TAFA5: variants seen among roughly 807,000 people sequenced by gnomAD.
TAFA5 encodes chemokine-like protein TAFA-5.
TAFA5 carries 6 observed loss-of-function variants against 15.3 expected under a neutral mutation model. That is an observed-to-expected ratio of 0.39 (90% CI 0.21 to 0.77). The LOEUF (loss-of-function observed/expected upper bound fraction) is 0.77, where lower values mean the gene tolerates loss of function less well. Ranked by LOEUF, TAFA5 falls within the 30% of genes least tolerant of loss-of-function variation. The pLI is 0.41. For synonymous variants in TAFA5, 103 were observed against 80.7 expected, an observed-to-expected ratio of 1.28 and a Z score of -1.48; for missense variants, 161 against 193.1, an observed-to-expected ratio of 0.83 and a Z score of 0.98.
At chr22:48,595,596 A>G (rs1924737049) in intron 1 of TAFA5, among the ~76,000 whole-genome samples, 1 of 152,254 alleles carries the variant, frequency 6.6e-6, no homozygotes, top group Non-Finnish European at 1.5e-5. Context: ...GACAAGCCAC[A>G]ATAAGGGAGA....
chr22:48,686,049 C>A (rs1169671583), intron 2 of TAFA5, among the ~76,000 whole-genome samples: 20 of 152,114 alleles, frequency 1.3e-4, no homozygotes. Context: ...CACGTGTGCC[C>A]CGGGAGTTGG....
chr22:48,560,463 C>T lies in TAFA5; in HGVS notation c.112+70759C>T, dbSNP rs1203533402. On this transcript the variant is annotated intron_variant, in intron 1 of 3. Transcript: ENST00000402357. This position sits in a 1 kb window ranked among gnomAD's most constrained non-coding sequence, Gnocchi z 4.2. ...GGCCTGGGGCCAGCCCGGGCAAGGA[C>T]AGTGCCAGCAGGCGCCCCCAGTGTG... 2.0e-5 allele frequency among the ~76,000 whole-genome samples: 3 copies of T among 152,272 alleles called. 1 individual carries two copies. Among genetic ancestry groups the T allele is most frequent in the Admixed American group, 2.0e-4 (3 of 15,302 alleles).
intron 1 of TAFA5, among the ~76,000 whole-genome samples, chr22:48,527,034 T>C (rs1921804122): frequency 6.6e-6 from 1 of 152,260 alleles, no homozygotes. Flanking sequence ...AATTTTTCCA[T>C]TTATTGAAAG....
chr22:48,718,130 C>T (rs1929457739), intron 3 of TAFA5, among the ~76,000 whole-genome samples: 7 of 152,178 alleles, frequency 4.6e-5, no homozygotes, highest in African/African-American at 7.2e-5. Context: ...CCGGGAGGGT[C>T]TGCAATGCCC....
At position 48,660,473 on chromosome 22, in the gene TAFA5, G is replaced by T. The variant is rs183306281; in HGVS notation, c.262+13727G>T. ...CCCTTCTAGAAATCTTGGACAGGTT[G>T]TAAGAATGAACTTAAAAACTCTTTA... On this transcript the variant is annotated intron_variant, in intron 2 of 3. Coordinates refer to ENST00000402357, the MANE Select transcript of TAFA5 (RefSeq NM_001082967.3). 4.0e-4 allele frequency among the ~76,000 whole-genome samples: 61 copies of T among 152,334 alleles called. 1 individual carries two copies. Among genetic ancestry groups the T allele is most frequent in the African/African-American group, 1.4e-3 (60 of 41,568 alleles).
At chr22:48,709,645 T>C (rs959418879) in intron 3 of TAFA5, among the ~76,000 whole-genome samples, 2 of 152,194 alleles carry the variant, frequency 1.3e-5, no homozygotes, top group Non-Finnish European at 2.9e-5. Context: ...CTCCTCCTCG[T>C]GATTTGAGGC....
At chr22:48,578,323 G>A (rs774541284) in intron 1 of TAFA5, among the ~76,000 whole-genome samples, 1 of 152,204 alleles carries the variant, frequency 6.6e-6, no homozygotes, top group Non-Finnish European at 1.5e-5. Context: ...CTTCCTTTCT[G>A]CCTCGCCCTG....
Position 48,751,547 on chromosome 22 carries a change from C to G in TAFA5, c.*1700C>G, listed in dbSNP as rs1357739645. 6.6e-6 allele frequency: 1 copy of G among 152,372 alleles called. No individual in the cohort carries two copies. The highest frequency in any genetic ancestry group is 1.5e-5 in the Non-Finnish European group (1 of 68,030). 9.4% of individuals were successfully genotyped at this position (152,372 alleles called of 1,614,324 possible). A position where few individuals can be genotyped will look rare whatever the true frequency, so the allele number is the denominator to read the frequency against. On this transcript the variant is annotated 3_prime_UTR_variant, in exon 4 of 4. Transcript: ENST00000402357. The stretch of plus-strand genomic sequence containing the variant: ...TTCCAGCAACCATAGACTGAAGATA[C>G]GAAAGAAAATCCATTTATTTAAGAC...
intron 2 of TAFA5, among the ~76,000 whole-genome samples, chr22:48,665,448 A>G (rs2147217498): frequency 6.6e-6 from 1 of 152,210 alleles, no homozygotes; most frequent in East Asian, 1.9e-4. Flanking sequence ...TCTGTGTGGG[A>G]AACGTCATCT....
intron 1 of TAFA5, among the ~76,000 whole-genome samples, chr22:48,553,722 G>A (rs1211722157): frequency 7.2e-5 from 11 of 152,182 alleles, no homozygotes; most frequent in African/African-American, 1.4e-4. Flanking sequence ...CTCTCTCTCC[G>A]GGCTGGTGGT....
intron 2 of TAFA5, among the ~76,000 whole-genome samples, chr22:48,690,199 G>C (rs1458019053): frequency 2.6e-5 from 4 of 152,154 alleles, no homozygotes; most frequent in African/African-American, 9.7e-5. Flanking sequence ...GCTCCCAGCG[G>C]GTTCCTGGAT....
At chr22:48,527,081 G>T (rs1025440625) in intron 1 of TAFA5, among the ~76,000 whole-genome samples, 1 of 152,210 alleles carries the variant, frequency 6.6e-6, no homozygotes, top group Admixed American at 6.5e-5. Flanking sequence ...GATGTAAGGG[G>T]CTTCATTGTA....
At chr22:48,615,183 G>A (rs917795666) in intron 1 of TAFA5, among the ~76,000 whole-genome samples, 2 of 152,202 alleles carry the variant, frequency 1.3e-5, no homozygotes, top group African/African-American at 4.8e-5. Context: ...TGTCTCTCCA[G>A]GTGAGAGAGC....
At chr22:48,542,256 ATGTG>A (rs562143879) in intron 1 of TAFA5, among the ~76,000 whole-genome samples, 1 of 84,246 alleles carries the variant, frequency 1.2e-5, no homozygotes, top group Admixed American at 1.5e-4. Context: ...ATGTGTGTGT[ATGTG>A]TGTGTGGTGT....
chr22:48,743,436 G>A lies in TAFA5; in HGVS notation c.391-6403G>A, dbSNP rs369547737. Among the ~76,000 whole-genome samples, 18 of 152,256 alleles carry A rather than the reference G, an allele frequency of 1.2e-4. No homozygotes were observed. The East Asian group carries it at 2.7e-3, about 23-fold the overall frequency. On this transcript the variant is annotated intron_variant, in intron 3 of 3. Transcript: ENST00000402357. ...AGTGGTATCCACCCTAATCTGATAC[G>A]ACCCCATTCTAACTCGATCACATCT... is the stretch of plus-strand genomic sequence containing the variant.
At chr22:48,576,259 T>C (rs1469347109) in intron 1 of TAFA5, 45 of 421,044 alleles carry the variant, frequency 1.1e-4, no homozygotes, top group Non-Finnish European at 1.5e-4. Flanking sequence ...GCCCGCCCCC[T>C]CCGCGGCGCC....
intron 1 of TAFA5, among the ~76,000 whole-genome samples, chr22:48,644,706 G>A (rs1028198484): frequency 5.9e-5 from 9 of 152,214 alleles, no homozygotes; most frequent in African/African-American, 1.9e-4. Flanking sequence ...AGGAGGGGCC[G>A]TCTAAGGTTA....
intron 1 of TAFA5, among the ~76,000 whole-genome samples, chr22:48,591,899 G>A (rs368398724): frequency 9.2e-5 from 14 of 152,296 alleles, no homozygotes; most frequent in African/African-American, 3.1e-4. Flanking sequence ...GCCTGGGCCC[G>A]GTGTCTGTCT....
Position 48,566,865 on chromosome 22 carries a change from A to G in TAFA5, c.112+77161A>G, listed in dbSNP as rs1237760474. 2.0e-5 allele frequency among the ~76,000 whole-genome samples: 3 copies of G among 152,126 alleles called. No individual in the cohort carries two copies. The highest frequency in any genetic ancestry group is 7.2e-5 in the African/African-American group (3 of 41,432). On this transcript the variant is annotated intron_variant, in intron 1 of 3. Coordinates refer to ENST00000402357, the MANE Select transcript of TAFA5 (RefSeq NM_001082967.3). The surrounding 1 kb of genome is among the most constrained non-coding windows in gnomAD (Gnocchi z 4.5). ...TGTGGTTCTGCAGCTTTTTTGCCGT[A>G]GTTTGCTCACCACTGTGGTTTCATG... is the stretch of plus-strand genomic sequence containing the variant.
Sources: gnomAD v4.1 joint callset for allele counts (sites outside exome capture counted in the v4.1 genomes callset) on GRCh38, gnomAD v4.1.1 for gene constraint, Gnocchi (gnomAD v3.1) non-coding constraint, MANE v1.5 for transcripts, NCBI Gene and HGNC (gene_info 2026-07-23, HGNC 2026-07-21) for gene names.